RAB21: variants seen among roughly 807,000 people sequenced by gnomAD.
The protein encoded by RAB21 is ras-related protein Rab-21.
Under a neutral mutation model 33.1 loss-of-function variants are expected in RAB21, and 13 were observed. That is an observed-to-expected ratio of 0.39 (90% confidence interval 0.26 to 0.62). The LOEUF is 0.62. Among genes scored for constraint, RAB21 ranks in the 20% least tolerant of loss-of-function variants. The pLI, the probability that RAB21 is intolerant of heterozygous loss-of-function variation, is 0.48. For missense variants in RAB21, 234 were observed against 279.1 expected (o/e 0.84, Z 1.15); for synonymous variants, 91 against 103.7 (o/e 0.88, Z 0.74).
At chr12:71,780,232 T>C (rs915009163) in intron 4 of RAB21, among the ~76,000 whole-genome samples, 4 of 152,194 alleles carry the variant, frequency 2.6e-5, no homozygotes, top group African/African-American at 9.7e-5. Flanking sequence ...TTTTTATAGG[T>C]ATTGATGATA....
intron 1 of RAB21, among the ~76,000 whole-genome samples, chr12:71,759,264 A>G (rs933013858): frequency 1.3e-5 from 2 of 152,206 alleles, no homozygotes; most frequent in African/African-American, 4.8e-5. Context: ...GGACATGGCA[A>G]AGAATAAGGT....
chr12:71,783,218 C>G (rs934342407), intron 6 of RAB21, among the ~76,000 whole-genome samples: 2 of 151,860 alleles, frequency 1.3e-5, no homozygotes, highest in African/African-American at 4.8e-5. Flanking sequence ...TAGGGTTATT[C>G]ATGAAATTGG....
chr12:71,768,105 T>C (rs1158122101), intron 1 of RAB21, among the ~76,000 whole-genome samples: 8 of 152,182 alleles, frequency 5.3e-5, no homozygotes, highest in Admixed American at 5.2e-4. Context: ...TTTCTTCTTT[T>C]CTGTATAATT....
At position 71,768,866 on chromosome 12, in the gene RAB21, C is replaced by T. The variant is rs549384260; in HGVS notation, c.160-934C>T. Among the ~76,000 whole-genome samples the T allele has an allele frequency of 2.0e-5, 3 of 152,290 alleles. No individual in the cohort carries two copies. The South Asian group carries it at 6.2e-4, about 32-fold the overall frequency. On this transcript the variant is annotated intron_variant, in intron 1 of 6. Coordinates refer to ENST00000261263, the MANE Select transcript of RAB21 (RefSeq NM_014999.4). ...AGCTAGCCTTCCTTTTGGCAGCATCCTAATGTGTTAATGTGCATTGTTGGT... is the reference window on the plus strand; with the variant it reads ...AGCTAGCCTTCCTTTTGGCAGCATCTTAATGTGTTAATGTGCATTGTTGGT...
At chr12:71,762,011 T>C (rs1882879628) in intron 1 of RAB21, among the ~76,000 whole-genome samples, 1 of 152,232 alleles carries the variant, frequency 6.6e-6, no homozygotes. Context: ...TCATACAGTA[T>C]AATAATTGAA....
At chr12:71,764,214 T>A (rs983848056) in intron 1 of RAB21, among the ~76,000 whole-genome samples, 2 of 152,190 alleles carry the variant, frequency 1.3e-5, no homozygotes, top group Non-Finnish European at 2.9e-5. Context: ...GTTTTTAGTA[T>A]GTGCGTATGA....
chr12:71,765,112 A>G (rs377131894), intron 1 of RAB21, among the ~76,000 whole-genome samples: 2 of 152,056 alleles, frequency 1.3e-5, no homozygotes, highest in African/African-American at 4.8e-5. Flanking sequence ...TCACATCCAC[A>G]CCAACATCTA....
chr12:71,767,544 A>G (rs889602435), intron 1 of RAB21, among the ~76,000 whole-genome samples: 1 of 151,884 alleles, frequency 6.6e-6, no homozygotes, highest in Non-Finnish European at 1.5e-5. Flanking sequence ...AAGCTTTGGG[A>G]AGATAATATG....
At chr12:71,773,128 T>A (rs1883068112) in intron 3 of RAB21, among the ~76,000 whole-genome samples, 1 of 152,258 alleles carries the variant, frequency 6.6e-6, no homozygotes, top group Admixed American at 6.5e-5. Flanking sequence ...TGCCTTTTAT[T>A]CTGTTATTAT....
intron 4 of RAB21, among the ~76,000 whole-genome samples, chr12:71,780,323 A>G (rs1038916738): frequency 6.6e-6 from 1 of 152,196 alleles, no homozygotes; most frequent in Non-Finnish European, 1.5e-5. Flanking sequence ...CAAAATTAAT[A>G]TTGCTACTTT....
chr12:71,769,899 T>C, intron 2 of RAB21, 40 bp downstream of exon 2: 1 of 1,140,788 alleles, frequency 8.8e-7, no homozygotes, highest in Non-Finnish European at 1.2e-6. Context: ...GGAGGCTTCT[T>C]CCTTTTTTCT....
Position 71,754,883 on chromosome 12 carries a change from T to G in RAB21, c.-247T>G. The stretch of plus-strand genomic sequence containing the variant: ...GTGACGTAGGAGGAAGGAGACGCCA[T>G]TAGAGGGAGGCAGAGAGGGATCGTT... On this transcript the variant is annotated 5_prime_UTR_variant, in exon 1 of 7. Transcript: ENST00000261263. The G allele has an allele frequency of 1.3e-4, 23 of 178,486 alleles. No homozygotes were observed. Among genetic ancestry groups the G allele is most frequent in the Non-Finnish European group, 2.2e-4 (20 of 90,962 alleles). 11.1% of individuals were successfully genotyped at this position (178,486 alleles called of 1,614,324 possible). A position where few individuals can be genotyped will look rare whatever the true frequency, so the allele number is the denominator to read the frequency against.
chr12:71,760,207 A>G (rs993358977), intron 1 of RAB21, among the ~76,000 whole-genome samples: 4 of 152,054 alleles, frequency 2.6e-5, no homozygotes, highest in African/African-American at 7.3e-5. Context: ...AATCCATTCT[A>G]GTGTTTTCAC....
At chr12:71,780,291 A>G (rs890118842) in intron 4 of RAB21, among the ~76,000 whole-genome samples, 1 of 152,164 alleles carries the variant, frequency 6.6e-6, no homozygotes, top group Non-Finnish European at 1.5e-5. Context: ...AAAAAATTCC[A>G]TAGGGTTTTA....
intron 4 of RAB21, among the ~76,000 whole-genome samples, chr12:71,781,648 G>A (rs1215432923): frequency 1.3e-5 from 2 of 152,030 alleles, no homozygotes; most frequent in Non-Finnish European, 2.9e-5. Flanking sequence ...CTTATTGACC[G>A]GCTCTAAGTT....
rs1883373993 is a variant in RAB21, at chr12:71,790,977, T to G, written c.*5304T>G. On this transcript the variant is annotated 3_prime_UTR_variant, in exon 7 of 7. Coordinates refer to ENST00000261263, the MANE Select transcript of RAB21 (RefSeq NM_014999.4). The stretch of plus-strand genomic sequence containing the variant: ...GGTGGATTTCATTAGTATCCAAATT[T>G]ATTTATTTTTTTATTTCATTTTTTT... 6.6e-6 allele frequency: 1 copy of G among 152,026 alleles called. No homozygotes were observed. The highest frequency in any genetic ancestry group is 2.4e-5 in the African/African-American group (1 of 41,400). 9.4% of individuals were successfully genotyped at this position (152,026 alleles called of 1,614,324 possible).
chr12:71,764,921 TG>T (rs1882936679), intron 1 of RAB21, among the ~76,000 whole-genome samples: 1 of 152,206 alleles, frequency 6.6e-6, no homozygotes, highest in Admixed American at 6.5e-5. Context: ...TAAACATGTG[TG>T]CATGTGTCTT....
At chr12:71,759,657 A>G (rs114910082) in intron 1 of RAB21, among the ~76,000 whole-genome samples, 1,672 of 152,358 alleles carry the variant, frequency 0.011, 35 homozygotes, top group African/African-American at 0.039. Flanking sequence ...TTACTCCAGC[A>G]TTACAGTTCT....
At chr12:71,779,226 A>G (rs1032657885) in intron 4 of RAB21, among the ~76,000 whole-genome samples, 8 of 152,156 alleles carry the variant, frequency 5.3e-5, no homozygotes, top group Non-Finnish European at 1.2e-4. Flanking sequence ...TAGGGAGACC[A>G]AGGTGGGCAG....
Sources: gnomAD v4.1 joint callset for allele counts (sites outside exome capture counted in the v4.1 genomes callset) on GRCh38, gnomAD v4.1.1 for gene constraint, MANE v1.5 for transcripts, NCBI Gene and HGNC (gene_info 2026-07-23, HGNC 2026-07-21) for gene names.